LAMA3: variants seen among roughly 807,000 people sequenced by gnomAD.
The protein encoded by LAMA3 is laminin subunit alpha-3.
LAMA3 carries 281 observed loss-of-function variants against 402.0 expected under a neutral mutation model. That is an observed-to-expected ratio of 0.70 (90% CI 0.63 to 0.77). LAMA3 has a LOEUF of 0.77. Ranked by LOEUF, LAMA3 falls within the 30% of genes least tolerant of loss-of-function variation. LAMA3 has a pLI of 0.00. For synonymous variants in LAMA3, 1,431 were observed against 1,558.4 expected, an observed-to-expected ratio of 0.92 and a Z score of 1.93; for missense variants, 3,840 against 4,215.5, an observed-to-expected ratio of 0.91 and a Z score of 2.47.
At chr18:23,921,819 C>T (rs1025290851) in intron 62 of LAMA3, among the ~76,000 whole-genome samples, 2 of 152,100 alleles carry the variant, frequency 1.3e-5, no homozygotes, top group African/African-American at 2.4e-5. Context: ...TTGTCATTCT[C>T]GGGAGGGGAG....
intron 10 of LAMA3, among the ~76,000 whole-genome samples, chr18:23,776,840 C>CCTTT: frequency 8.2e-6 from 1 of 121,876 alleles, no homozygotes; most frequent in East Asian, 3.6e-4. Context: ...ATTGTATTTG[C>CCTTT]CTTTTTTTTT....
At position 23,810,441 on chromosome 18, in the gene LAMA3, G is replaced by A. The variant is rs1568207397; in HGVS notation, c.1679G>A (p.Gly560Glu). Residue 560 changes from glycine to glutamate, a missense_variant, in exon 13 of 75, where the codon GGA (glycine) becomes GAA (glutamate). By Grantham distance (98) the Gly-to-Glu change is moderately conservative. Transcript: ENST00000313654. ...SVTGQCECRP[G>E]VTGQRCDRCL... ...ACTGGACAGTGTGAATGTCGGCCAG[G>A]AGTTACAGGACAGCGGTGTGACAGG... 1.2e-6 allele frequency: 2 copies of A among 1,614,148 alleles called. No individual in the cohort carries two copies. Among genetic ancestry groups the A allele is most frequent in the Non-Finnish European group, 1.7e-6 (2 of 1,180,030 alleles).
At chr18:23,907,035 T>C (rs1330944524) in intron 52 of LAMA3, among the ~76,000 whole-genome samples, 1 of 152,240 alleles carries the variant, frequency 6.6e-6, no homozygotes, top group Non-Finnish European at 1.5e-5. Flanking sequence ...AGTGCCTACT[T>C]TGTGTCTGTA....
intron 12 of LAMA3, among the ~76,000 whole-genome samples, chr18:23,786,045 A>G (rs568204922): frequency 6.6e-6 from 1 of 152,350 alleles, no homozygotes; most frequent in African/African-American, 2.4e-5. Flanking sequence ...TACTCTTTTC[A>G]GTAAAACAGA....
chr18:23,909,554 A>G (rs2081364248), intron 55 of LAMA3, among the ~76,000 whole-genome samples: 1 of 152,142 alleles, frequency 6.6e-6, no homozygotes, highest in Admixed American at 6.5e-5. Context: ...AGAAAGAAGG[A>G]TTTTCTTCCA....
intron 72 of LAMA3, 128 bp from the exon 73 acceptor site, chr18:23,951,555 CG>C: frequency 1.4e-6 from 1 of 705,470 alleles, no homozygotes; most frequent in Non-Finnish European, 2.6e-6. Context: ...GCTTCAAAAG[CG>C]GAGGAGGGCC....
At chr18:23,784,844 T>C (rs1055503378) in intron 12 of LAMA3, among the ~76,000 whole-genome samples, 4 of 152,072 alleles carry the variant, frequency 2.6e-5, no homozygotes, top group Admixed American at 2.0e-4. Context: ...CTGCAGACAA[T>C]GGTGTAGGGG....
At chr18:23,848,439 G>T (rs1355188202) in intron 32 of LAMA3, among the ~76,000 whole-genome samples, 1 of 152,184 alleles carries the variant, frequency 6.6e-6, no homozygotes, top group Non-Finnish European at 1.5e-5. Context: ...GGCTGCAGGG[G>T]CCAGAGAAAG....
intron 1 of LAMA3, among the ~76,000 whole-genome samples, chr18:23,694,202 ATAAATGAATAT>A (rs2060643844): frequency 6.6e-6 from 1 of 152,244 alleles, no homozygotes; most frequent in Non-Finnish European, 1.5e-5. Context: ...TGTGGAGTTA[ATAAATGAATAT>A]TAACTGGAGA....
intron 33 of LAMA3, among the ~76,000 whole-genome samples, chr18:23,858,192 A>T (rs1175979168): frequency 2.6e-5 from 4 of 152,224 alleles, no homozygotes; most frequent in Non-Finnish European, 5.9e-5. Context: ...GAGGTCTCAG[A>T]CCGCCTTAGA....
intron 2 of LAMA3, among the ~76,000 whole-genome samples, chr18:23,746,499 G>T (rs541920247): frequency 2.0e-5 from 3 of 152,126 alleles, no homozygotes; most frequent in South Asian, 4.1e-4. Context: ...TGAAGAAGCA[G>T]GTGTGGGAAT....
chr18:23,805,450 G>T (rs567072634), intron 12 of LAMA3, among the ~76,000 whole-genome samples: 12 of 152,278 alleles, frequency 7.9e-5, no homozygotes, highest in African/African-American at 2.6e-4. Context: ...AGTTCTAATG[G>T]CTTCCACTTG....
Position 23,708,067 on chromosome 18 carries a change from T to G in LAMA3, c.295-5853T>G, listed in dbSNP as rs1256062200. Among the ~76,000 whole-genome samples, 3 of 152,220 alleles carry G rather than the reference T, an allele frequency of 2.0e-5. No homozygotes were observed. In the East Asian group the frequency reaches 5.8e-4, roughly 29 times the overall value. ...AGTTTTATTTTTCACATATAAGTCC[T>G]TACTTCATCTGAAGTTGAATTGCAT... On this transcript the variant is annotated intron_variant, in intron 1 of 74. Coordinates refer to ENST00000313654, the MANE Select transcript of LAMA3 (RefSeq NM_198129.4).
At chr18:23,845,869 A>G (rs1399285042) in intron 30 of LAMA3, among the ~76,000 whole-genome samples, 2 of 152,200 alleles carry the variant, frequency 1.3e-5, no homozygotes, top group Non-Finnish European at 2.9e-5. Flanking sequence ...TTGGAAGGTC[A>G]TGTGGGATAT....
intron 60 of LAMA3, 60 bp from the exon 61 acceptor site, chr18:23,920,875 A>G: frequency 6.2e-7 from 1 of 1,607,222 alleles, no homozygotes; most frequent in Non-Finnish European, 8.5e-7. Flanking sequence ...CGGGAGTTCC[A>G]GTGCTCTGCC....
At chr18:23,854,369 C>T (rs894590631) in intron 32 of LAMA3, among the ~76,000 whole-genome samples, 4 of 152,202 alleles carry the variant, frequency 2.6e-5, no homozygotes, top group African/African-American at 2.4e-5. Context: ...TGGCCAGGTG[C>T]GGTGGCTCAC....
Position 23,918,012 on chromosome 18 carries a change from T to G in LAMA3, c.7923+1317T>G, listed in dbSNP as rs560808357. ...ATAGGTTTTCTTCAAGGGTTTTTTT[T>G]TATAGTTTTAGGTTTTACATTTAAG... is the stretch of plus-strand genomic sequence containing the variant. On this transcript the variant is annotated intron_variant, in intron 60 of 74. Transcript: ENST00000313654. The surrounding 1 kb of genome is among the most constrained non-coding windows in gnomAD (Gnocchi z 4.1). 9.8e-5 allele frequency among the ~76,000 whole-genome samples: 15 copies of G among 152,302 alleles called. No individual in the cohort carries two copies. Among genetic ancestry groups the G allele is most frequent in the Admixed American group, 4.6e-4 (7 of 15,302 alleles).
At chr18:23,813,141 T>G in intron 14 of LAMA3, 38 bp downstream of exon 14, 1 of 1,367,844 alleles carries the variant, frequency 7.3e-7, no homozygotes, top group Non-Finnish European at 1.0e-6. Flanking sequence ...TCTAACTATC[T>G]CTATTATTCT....
At chr18:23,916,136 T>G (rs1487839771) in intron 59 of LAMA3, among the ~76,000 whole-genome samples, 2 of 152,000 alleles carry the variant, frequency 1.3e-5, no homozygotes, top group Non-Finnish European at 2.9e-5. Flanking sequence ...TTTTGAAAAT[T>G]GCTGCCTTGA....
Sources: allele counts gnomAD v4.1 joint callset (sites outside exome capture counted in the v4.1 genomes callset), GRCh38; gene constraint gnomAD v4.1.1; non-coding constraint Gnocchi (gnomAD v3.1); transcripts MANE v1.5; gene names NCBI Gene and HGNC (gene_info 2026-07-23, HGNC 2026-07-21).